PTPN9: variants seen among roughly 807,000 people sequenced by gnomAD.
PTPN9 encodes tyrosine-protein phosphatase non-receptor type 9.
PTPN9 carries 26 observed loss-of-function variants against 69.8 expected under a neutral mutation model. The observed-to-expected ratio is 0.37, with a 90% CI of 0.27 to 0.52. The LOEUF (loss-of-function observed/expected upper bound fraction) is 0.52. PTPN9 is among the 20% of genes least tolerant of loss of function. The pLI is 0.91. For synonymous variants in PTPN9, 274 were observed against 272.5 expected (o/e 1.01, Z -0.05); for missense variants, 549 against 740.3 (o/e 0.74, Z 3.00).
rs2074918071 is a variant in PTPN9 at position 75,524,285 on chromosome 15, T to G, written c.221A>C (p.Lys74Thr). The change falls in exon 3 of 13, where the codon AAG (lysine) becomes ACG (threonine). Residue 74 changes from lysine (K) to threonine (T), a missense_variant. Transcript: ENST00000618819. Reference sequence around the variant, plus strand: ...AGGTTTCAGCTTTACAATGCCTTCCTTCCTTCGAGTTTCCTAAAAAGGAAG... The same window carrying G: ...AGGTTTCAGCTTTACAATGCCTTCCGTCCTTCGAGTTTCCTAAAAAGGAAG... ...LFHSYRETRR[K>T]EGIVKLKPHE... The G allele has an allele frequency of 6.2e-7, 1 of 1,610,212 alleles. No individual in the cohort carries two copies. Among genetic ancestry groups the G allele is most frequent in the Non-Finnish European group, 8.5e-7 (1 of 1,176,934 alleles).
intron 1 of PTPN9, among the ~76,000 whole-genome samples, chr15:75,551,626 C>T (rs1044106270): frequency 6.6e-6 from 1 of 152,156 alleles, no homozygotes; most frequent in African/African-American, 2.4e-5. Flanking sequence ...TGTCTCTGGC[C>T]TAGTCCCATT....
chr15:75,535,247 C>T (rs529578737), intron 1 of PTPN9, among the ~76,000 whole-genome samples: 29 of 152,184 alleles, frequency 1.9e-4, no homozygotes, highest in Admixed American at 3.3e-4. Flanking sequence ...CCACCTGCCT[C>T]GGCCTCCCAA....
chr15:75,490,338 A>G (rs1465108324), intron 7 of PTPN9, 37 bp from the exon 8 acceptor site: 6 of 1,447,234 alleles, frequency 4.1e-6, no homozygotes, highest in Non-Finnish European at 5.8e-6. Context: ...GAATAAAGAA[A>G]AAGTGGGGAC....
intron 1 of PTPN9, among the ~76,000 whole-genome samples, chr15:75,554,005 C>CTTTTTT (rs72050060): frequency 5.6e-5 from 7 of 125,366 alleles, no homozygotes; most frequent in Non-Finnish European, 8.2e-5. Context: ...TACTTTCTTT[C>CTTTTTT]TTTTTTTTTT....
chr15:75,495,376 A>G (rs763053510), intron 7 of PTPN9, among the ~76,000 whole-genome samples: 1 of 152,200 alleles, frequency 6.6e-6, no homozygotes, highest in Non-Finnish European at 1.5e-5. Flanking sequence ...TCACTTGGAA[A>G]CTAATGATAA....
intron 6 of PTPN9, 68 bp from the exon 7 acceptor site, chr15:75,506,071 A>G: frequency 8.1e-7 from 1 of 1,242,210 alleles, no homozygotes; most frequent in South Asian, 1.4e-5. Context: ...GACAAAGAAT[A>G]AATGTATTTA....
At chr15:75,488,520 G>T (rs1001282931) in intron 8 of PTPN9, among the ~76,000 whole-genome samples, 3 of 152,102 alleles carry the variant, frequency 2.0e-5, no homozygotes, top group Admixed American at 6.6e-5. Context: ...TTATGGCCAG[G>T]CACACCGGCT....
At chr15:75,556,704 C>G (rs1227963723) in intron 1 of PTPN9, among the ~76,000 whole-genome samples, 1 of 152,138 alleles carries the variant, frequency 6.6e-6, no homozygotes, top group Non-Finnish European at 1.5e-5. Flanking sequence ...GTAAAATATA[C>G]CTAACAATAT....
At chr15:75,520,366 G>A (rs764455261) in intron 4 of PTPN9, among the ~76,000 whole-genome samples, 11 of 151,854 alleles carry the variant, frequency 7.2e-5, no homozygotes, top group Non-Finnish European at 1.5e-4. Context: ...TATATTCCCA[G>A]ATCAAAGTGC....
intron 6 of PTPN9, among the ~76,000 whole-genome samples, chr15:75,507,080 A>T (rs1470783865): frequency 1.3e-5 from 2 of 152,192 alleles, no homozygotes; most frequent in Non-Finnish European, 2.9e-5. Context: ...GAGTTTATAC[A>T]TGCATGTATA....
intron 1 of PTPN9, among the ~76,000 whole-genome samples, chr15:75,530,403 ATATTATAT>A (rs2074950024): frequency 8.6e-6 from 1 of 116,222 alleles, no homozygotes; most frequent in South Asian, 2.2e-4. Context: ...TATATATTAC[ATATTATAT>A]TATTATATAT....
chr15:75,544,746 T>C (rs1733762809), intron 1 of PTPN9, among the ~76,000 whole-genome samples: 1 of 151,832 alleles, frequency 6.6e-6, no homozygotes, highest in African/African-American at 2.4e-5. Context: ...GTAAAGTCTT[T>C]CTGGGGGAAA....
At position 75,473,683 on chromosome 15, in the gene PTPN9, A is replaced by G; in HGVS notation, c.1208+6T>C. On this transcript the variant is annotated splice_donor_region_variant and intron_variant, in intron 10 of 12. Transcript: ENST00000618819. ...GGAGACCTTTGGAAAAAAGGGATTA[A>G]CTCACCGGGTGGTCATGACAATCAC... 6.5e-7 allele frequency: 1 copy of G among 1,547,364 alleles called. No homozygotes were observed. Among genetic ancestry groups the G allele is most frequent in the South Asian group, 1.1e-5 (1 of 89,668 alleles).
chr15:75,530,262 C>G (rs1292453850), intron 1 of PTPN9, among the ~76,000 whole-genome samples: 1 of 140,392 alleles, frequency 7.1e-6, no homozygotes, highest in Non-Finnish European at 1.5e-5. Context: ...GAGGGCTAGG[C>G]ACGGTGGCTC....
chr15:75,500,428 A>G (rs916576944), intron 7 of PTPN9, among the ~76,000 whole-genome samples: 1 of 151,994 alleles, frequency 6.6e-6, no homozygotes, highest in Non-Finnish European at 1.5e-5. Flanking sequence ...AATTCCATCT[A>G]CTTGGGAGAC....
At position 75,473,700 on chromosome 15, in the gene PTPN9, G is replaced by A; in HGVS notation, c.1197C>T (p.Val399=). The A allele has an allele frequency of 6.4e-7, 1 of 1,570,684 alleles. No individual in the cohort carries two copies. Among genetic ancestry groups the A allele is most frequent in the Non-Finnish European group, 8.8e-7 (1 of 1,140,512 alleles). ...MVWEQKVLVI[V]MTTRFEEGGR... ...AGGGATTAACTCACCGGGTGGTCATGACAATCACCAAGACTTTTTGCTCCC... is the reference window on the plus strand; with the variant it reads ...AGGGATTAACTCACCGGGTGGTCATAACAATCACCAAGACTTTTTGCTCCC... Residue 399 remains valine, a synonymous_variant, in exon 10 of 13, where the codon GTC becomes GTT. Coordinates refer to ENST00000618819, the MANE Select transcript of PTPN9 (RefSeq NM_002833.4).
intron 9 of PTPN9, among the ~76,000 whole-genome samples, chr15:75,475,623 A>C (rs1361202030): frequency 6.6e-6 from 1 of 152,038 alleles, no homozygotes; most frequent in Non-Finnish European, 1.5e-5. Context: ...ATAATTCCTT[A>C]TACTTTCTGG....
In PTPN9 at chr15:75,575,261, C is replaced by T. The variant is rs1166604184; in HGVS notation, c.63+3453G>A. ...GTGCTGGGATTACAGGCGTGAGCCA[C>T]CGCGCCCGGCCGAAAAGAAATATCT... On this transcript the variant is annotated intron_variant, in intron 1 of 12. Coordinates refer to ENST00000618819, the MANE Select transcript of PTPN9 (RefSeq NM_002833.4). Among the ~76,000 whole-genome samples, 5 of 27,104 alleles carry T rather than the reference C, an allele frequency of 1.8e-4. 2 individuals are homozygous for T. Among genetic ancestry groups the T allele is most frequent in the Non-Finnish European group, 3.1e-4 (5 of 15,946 alleles). 17.8% of individuals were successfully genotyped at this position (27,104 alleles called of 152,430 possible).
intron 7 of PTPN9, among the ~76,000 whole-genome samples, chr15:75,495,746 T>C (rs1369087662): frequency 6.7e-6 from 1 of 149,024 alleles, no homozygotes; most frequent in East Asian, 2.0e-4. Flanking sequence ...ACAACAACAA[T>C]AAAAAACAAA....
Sources: gnomAD v4.1 joint callset for allele counts (sites outside exome capture counted in the v4.1 genomes callset) on GRCh38, gnomAD v4.1.1 for gene constraint, MANE v1.5 for transcripts, NCBI Gene and HGNC (gene_info 2026-07-23, HGNC 2026-07-21) for gene names.